The following SLC5A3 variants were observed in gnomAD, a reference collection of about 807,000 sequenced individuals.
SLC5A3 encodes the protein sodium/myo-inositol cotransporter.
Under a neutral mutation model 43.2 loss-of-function variants are expected in SLC5A3, and 10 were observed. The observed-to-expected ratio is 0.23, with a 90% confidence interval of 0.14 to 0.39. The LOEUF is 0.39. Among genes scored for constraint, SLC5A3 ranks in the 10% least tolerant of loss-of-function variants. The probability of loss-of-function intolerance (pLI) is 1.00; values close to 1 mark genes in which losing one functional copy is unlikely to be tolerated. For synonymous variants in SLC5A3, 349 were observed against 322.0 expected, an observed-to-expected ratio of 1.08 and a Z score of -0.90; for missense variants, 608 against 893.4, an observed-to-expected ratio of 0.68 and a Z score of 4.07.
chr21:34,105,627 T>G lies in SLC5A3; in HGVS notation c.*8272T>G. On this transcript the variant is annotated 3_prime_UTR_variant, in exon 2 of 2. Transcript: ENST00000381151. ...TGTATATTGTGTACATGTGTCATTT[T>G]AGTTAGGCATTGTAGGCCAAATGTG... is the stretch of plus-strand genomic sequence containing the variant. The G allele has an allele frequency of 1.0e-6, 1 of 1,000,066 alleles. No individual in the cohort carries two copies. The highest frequency in any genetic ancestry group is 1.2e-6 in the Non-Finnish European group (1 of 829,800). The allele number at this position is 1,000,066 out of a possible 1,614,324, so 61.9% of individuals were successfully genotyped here. A position where few individuals can be genotyped will look rare whatever the true frequency, so the allele number is the denominator to read the frequency against.
chr21:34,089,710 G>A (rs112884980), intron 1 of SLC5A3, among the ~76,000 whole-genome samples: 1,756 of 152,284 alleles, frequency 0.012, 38 homozygotes, highest in South Asian at 0.081. Flanking sequence ...TCTGGTGGTA[G>A]AGGGTTGGGA....
In SLC5A3 at chr21:34,096,100, T is replaced by A; in HGVS notation, c.902T>A (p.Met301Lys). Residue 301 changes from methionine to lysine, a missense_variant, in exon 2 of 2, where the codon ATG becomes AAG. Physicochemically the swap from Met to Lys is moderately conservative, Grantham distance 95. Coordinates refer to ENST00000381151, the MANE Select transcript of SLC5A3 (RefSeq NM_006933.7). This position sits in a 1 kb window ranked among gnomAD's most constrained non-coding sequence, Gnocchi z 5.9. ...GCTCATGCCAAAGGCTCTACTCTTA[T>A]GGCTGGCTTCTTAAAGCTCCTGCCA... Reference protein sequence around the residue: ...NIAHAKGSTLMAGFLKLLPMF... With the variant: ...NIAHAKGSTLKAGFLKLLPMF... 6.2e-7 allele frequency: 1 copy of A among 1,614,122 alleles called. No homozygotes were observed. The highest frequency in any genetic ancestry group is 1.1e-5 in the South Asian group (1 of 91,082).
At position 34,100,863 on chromosome 21, in the gene SLC5A3, CG is replaced by C; in HGVS notation, c.*3510del. ...TTTCATTCTTTACCACCAAATAAAG[CG>C]GCTTATTAGCTACTCAGTTACTTGC... On this transcript the variant is annotated 3_prime_UTR_variant, in exon 2 of 2. Transcript: ENST00000381151. 1.0e-6 allele frequency: 1 copy of C among 1,000,048 alleles called. No homozygotes were observed. The highest frequency in any genetic ancestry group is 5.2e-4 in the Middle Eastern group (1 of 1,916). The allele number at this position is 1,000,048 out of a possible 1,614,324, so 61.9% of individuals were successfully genotyped here. A position where few individuals can be genotyped will look rare whatever the true frequency, so the allele number is the denominator to read the frequency against.
rs371803463 is a variant in SLC5A3 at position 34,091,283 on chromosome 21, C to G, written c.-336-3580C>G. On this transcript the variant is annotated intron_variant, in intron 1 of 1. Transcript: ENST00000381151. ...GCAGGCCCCGCCCTGTGTCATTGAA[C>G]TTATGACTTGAAGCCCTGAGTATAG... 1.5e-4 allele frequency among the ~76,000 whole-genome samples: 23 copies of G among 152,226 alleles called. 1 individual carries two copies. The highest frequency in any genetic ancestry group is 5.1e-4 in the African/African-American group (21 of 41,548).
In SLC5A3 at chr21:34,092,482, T is replaced by C. The variant is rs1374357538; in HGVS notation, c.-336-2381T>C. 2.0e-5 allele frequency among the ~76,000 whole-genome samples: 3 copies of C among 152,248 alleles called. No individual in the cohort carries two copies. The East Asian group carries it at 5.8e-4, about 29-fold the overall frequency. On this transcript the variant is annotated intron_variant, in intron 1 of 1. Coordinates refer to ENST00000381151, the MANE Select transcript of SLC5A3 (RefSeq NM_006933.7). Reference sequence around the variant, plus strand: ...TGAGAATTCAGCCTTGAGCTAGTGTTAGGGTACTATTTGGTACCTCTCCTG... The same window carrying C: ...TGAGAATTCAGCCTTGAGCTAGTGTCAGGGTACTATTTGGTACCTCTCCTG...
intron 1 of SLC5A3, among the ~76,000 whole-genome samples, chr21:34,085,403 T>C (rs963499904): frequency 6.6e-6 from 1 of 152,210 alleles, no homozygotes. Context: ...GAATGGGCCA[T>C]TGTAAATGTA....
At chr21:34,077,867 C>A (rs943596155) in intron 1 of SLC5A3, among the ~76,000 whole-genome samples, 12 of 152,142 alleles carry the variant, frequency 7.9e-5, no homozygotes, top group Non-Finnish European at 1.8e-4. Flanking sequence ...TCTCTAAATG[C>A]AAGCCTTTTT....
At position 34,099,280 on chromosome 21, in the gene SLC5A3, C is replaced by T. The variant is rs9984776; in HGVS notation, c.*1925C>T. Reference sequence around the variant, plus strand: ...TTTTCTTGTTTGGAAGTTGAGGCTGCGACATGTCCAAGGTTATGAAGTCTC... The same window carrying T: ...TTTTCTTGTTTGGAAGTTGAGGCTGTGACATGTCCAAGGTTATGAAGTCTC... On this transcript the variant is annotated 3_prime_UTR_variant, in exon 2 of 2. Coordinates refer to ENST00000381151, the MANE Select transcript of SLC5A3 (RefSeq NM_006933.7). The T allele has an allele frequency of 3.3e-5, 33 of 1,000,074 alleles. 1 individual carries two copies. Among genetic ancestry groups the T allele is most frequent in the African/African-American group, 2.1e-4 (12 of 57,316 alleles). The allele number at this position is 1,000,074 out of a possible 1,614,324, so 62.0% of individuals were successfully genotyped here.
rs1939804285 is a variant in SLC5A3, at chr21:34,104,039, C to T, written c.*6684C>T. 4.0e-6 allele frequency: 4 copies of T among 999,940 alleles called. No individual in the cohort carries two copies. Among genetic ancestry groups the T allele is most frequent in the African/African-American group, 3.5e-5 (2 of 57,178 alleles). 61.9% of individuals were successfully genotyped at this position (999,940 alleles called of 1,614,324 possible). A position where few individuals can be genotyped will look rare whatever the true frequency, so the allele number is the denominator to read the frequency against. ...TCTTAACAGTGCCCCCCCAAACATG[C>T]AGAAAGTCATACTTTAACAGGGCAA... On this transcript the variant is annotated 3_prime_UTR_variant, in exon 2 of 2. Coordinates refer to ENST00000381151, the MANE Select transcript of SLC5A3 (RefSeq NM_006933.7).
At position 34,101,979 on chromosome 21, in the gene SLC5A3, A is replaced by G. The variant is rs1322800853; in HGVS notation, c.*4624A>G. 1.0e-6 allele frequency: 1 copy of G among 1,000,068 alleles called. No individual in the cohort carries two copies. The highest frequency in any genetic ancestry group is 1.2e-6 in the Non-Finnish European group (1 of 829,928). 61.9% of individuals were successfully genotyped at this position (1,000,068 alleles called of 1,614,324 possible). ...ATGCCAAAAAGGTTTTTTTGCAGTA[A>G]AAGTAAAAATTTGGAATTAGTTGGC... On this transcript the variant is annotated 3_prime_UTR_variant, in exon 2 of 2. Transcript: ENST00000381151.
rs927348511 is a variant in SLC5A3 at position 34,100,500 on chromosome 21, A to G, written c.*3145A>G. On this transcript the variant is annotated 3_prime_UTR_variant, in exon 2 of 2. Coordinates refer to ENST00000381151, the MANE Select transcript of SLC5A3 (RefSeq NM_006933.7). ...TGCTGTGTCCTTCGGCCTAAATTCA[A>G]TAGATCTCATCTCCTAGGGCTTCCT... is the stretch of plus-strand genomic sequence containing the variant. 7.0e-6 allele frequency: 7 copies of G among 1,000,104 alleles called. No homozygotes were observed. The highest frequency in any genetic ancestry group is 1.1e-4 in the East Asian group (1 of 8,834). 62.0% of individuals were successfully genotyped at this position (1,000,104 alleles called of 1,614,324 possible).
intron 1 of SLC5A3, among the ~76,000 whole-genome samples, chr21:34,091,252 C>G (rs1463458542): frequency 1.7e-4 from 2 of 11,978 alleles, no homozygotes; most frequent in African/African-American, 4.1e-4. Flanking sequence ...TTGCGTACTA[C>G]TCTTTGCAGG....
chr21:34,085,704 G>A (rs567812881), intron 1 of SLC5A3, among the ~76,000 whole-genome samples: 3 of 149,668 alleles, frequency 2.0e-5, no homozygotes, highest in Middle Eastern at 7.0e-3. Flanking sequence ...CGGGTTTCAC[G>A]CCATTCTCCT....
chr21:34,096,844 A>C lies in SLC5A3; in HGVS notation c.1646A>C (p.Lys549Thr). ...ATTCGAACCACCACCTTTTGGTCTA[A>C]GAAGAACCTGGTGGTGAAGGAGAAC... is the stretch of plus-strand genomic sequence containing the variant. ...EQIRTTTFWS[K>T]KNLVVKENCS... Residue 549 changes from lysine to threonine, a missense_variant, in exon 2 of 2, where the codon AAG becomes ACG. Lys to Thr is a moderately conservative substitution (Grantham distance 78, BLOSUM62 -1). Transcript: ENST00000381151. The surrounding 1 kb of genome is among the most constrained non-coding windows in gnomAD (Gnocchi z 5.9). The C allele has an allele frequency of 6.2e-7, 1 of 1,614,068 alleles. No homozygotes were observed. The highest frequency in any genetic ancestry group is 8.5e-7 in the Non-Finnish European group (1 of 1,179,972).
chr21:34,099,691 A>G lies in SLC5A3; in HGVS notation c.*2336A>G, dbSNP rs1009939220. On this transcript the variant is annotated 3_prime_UTR_variant, in exon 2 of 2. Transcript: ENST00000381151. ...ACCTTCTTTCTGCTCTTGTCTTAGTAAGATACATAAGGTACATCATCTTGT... is the reference window on the plus strand; with the variant it reads ...ACCTTCTTTCTGCTCTTGTCTTAGTGAGATACATAAGGTACATCATCTTGT... 8.2e-5 allele frequency: 82 copies of G among 998,084 alleles called. No individual in the cohort carries two copies. The highest frequency in any genetic ancestry group is 9.8e-5 in the Non-Finnish European group (81 of 829,662). The allele number at this position is 998,084 out of a possible 1,614,324, so 61.8% of individuals were successfully genotyped here. A position where few individuals can be genotyped will look rare whatever the true frequency, so the allele number is the denominator to read the frequency against.
chr21:34,091,962 T>A (rs185319517), intron 1 of SLC5A3, among the ~76,000 whole-genome samples: 1 of 152,286 alleles, frequency 6.6e-6, no homozygotes, highest in Admixed American at 6.5e-5. Context: ...GCGTGAATGA[T>A]GAACTGTGAC....
intron 1 of SLC5A3, among the ~76,000 whole-genome samples, chr21:34,089,774 C>T (rs1978589228): frequency 6.6e-6 from 1 of 152,182 alleles, no homozygotes; most frequent in South Asian, 2.1e-4. Flanking sequence ...CAGAATACAG[C>T]TTCAGCACCA....
At chr21:34,077,952 C>G (rs1273443193) in intron 1 of SLC5A3, among the ~76,000 whole-genome samples, 1 of 152,110 alleles carries the variant, frequency 6.6e-6, no homozygotes, top group Non-Finnish European at 1.5e-5. Flanking sequence ...GAAAGTAATG[C>G]CTATGAAGTG....
chr21:34,090,407 T>C (rs1343226672), intron 1 of SLC5A3, among the ~76,000 whole-genome samples: 1 of 152,260 alleles, frequency 6.6e-6, no homozygotes, highest in Non-Finnish European at 1.5e-5. Context: ...ATGTAAAGTC[T>C]TAAGAATTTT....
Sources: allele counts gnomAD v4.1 joint callset (sites outside exome capture counted in the v4.1 genomes callset), GRCh38; gene constraint gnomAD v4.1.1; non-coding constraint Gnocchi (gnomAD v3.1); transcripts MANE v1.5; gene names NCBI Gene and HGNC (gene_info 2026-07-23, HGNC 2026-07-21).